TMEM74: variants seen among roughly 807,000 people sequenced by gnomAD.
TMEM74 encodes transmembrane protein 74.
In TMEM74, 13 loss-of-function variants were observed where a neutral mutation model predicts 18.1. The ratio of observed to expected loss-of-function variants is 0.72; its 90% CI spans 0.47 to 1.14. The LOEUF (loss-of-function observed/expected upper bound fraction) is 1.14, where lower values mean the gene tolerates loss of function less well. Among genes scored for constraint, TMEM74 ranks in the 50% most tolerant of loss-of-function variants. The pLI is 0.00. For missense variants in TMEM74, 372 were observed against 375.9 expected (o/e 0.99, Z 0.09); for synonymous variants, 159 against 146.6 (o/e 1.08, Z -0.61).
intron 1 of TMEM74, among the ~76,000 whole-genome samples, chr8:108,766,931 G>A (rs145220485): frequency 3.3e-5 from 5 of 152,226 alleles, no homozygotes; most frequent in East Asian, 3.9e-4. Context: ...GATGAAGGCC[G>A]GAATACTCAG....
At chr8:108,683,044 C>T (rs1586259402) in intron 1 of TMEM74, among the ~76,000 whole-genome samples, 1 of 151,400 alleles carries the variant, frequency 6.6e-6, no homozygotes, top group South Asian at 2.1e-4. Context: ...AATAACTTGC[C>T]AAAAATAATA....
Position 108,687,710 on chromosome 8 carries a change from C to T in TMEM74, n.120-32273G>A, listed in dbSNP as rs574353110. Among the ~76,000 whole-genome samples, 2 of 152,152 alleles carry T rather than the reference C, an allele frequency of 1.3e-5. 1 individual carries two copies. The highest frequency in any genetic ancestry group is 4.8e-5 in the African/African-American group (2 of 41,520). ...AAGAGTGTGCAACCTAGATCCCTCG[C>T]ATGTGCTGTTCACAATAGGGTTTCA... On this transcript the variant is annotated intron_variant and non_coding_transcript_variant, in intron 1 of 3. Transcript: ENST00000518838.
intron 1 of TMEM74, among the ~76,000 whole-genome samples, chr8:108,700,190 A>T (rs1813322106): frequency 6.8e-6 from 1 of 147,062 alleles, no homozygotes. Context: ...CACCCACGTC[A>T]AGGGACCATG....
intron 1 of TMEM74, among the ~76,000 whole-genome samples, chr8:108,665,908 AAGAC>A (rs1489038510): frequency 6.6e-6 from 1 of 152,196 alleles, no homozygotes; most frequent in Non-Finnish European, 1.5e-5. Context: ...TAATATATGA[AAGAC>A]AGGGGTAATG....
intron 2 of TMEM74, chr8:108,652,638 C>G (rs1487825069): frequency 3.2e-6 from 2 of 625,530 alleles, no homozygotes; most frequent in Non-Finnish European, 6.1e-6. Context: ...CAAAAGAAAG[C>G]AAGAAAAAGA....
chr8:108,741,415 G>A (rs1000499205), intron 1 of TMEM74, among the ~76,000 whole-genome samples: 1 of 152,138 alleles, frequency 6.6e-6, no homozygotes, highest in Non-Finnish European at 1.5e-5. Context: ...TAAACTTTAT[G>A]TACTGATATG....
chr8:108,770,643 G>A (rs1308017234), intron 1 of TMEM74, among the ~76,000 whole-genome samples: 2 of 152,144 alleles, frequency 1.3e-5, no homozygotes, highest in Non-Finnish European at 2.9e-5. Flanking sequence ...GCTTATTCAA[G>A]TCTGAGAAGA....
At chr8:108,710,698 T>C (rs2130623045) in intron 1 of TMEM74, among the ~76,000 whole-genome samples, 1 of 152,336 alleles carries the variant, frequency 6.6e-6, no homozygotes, top group African/African-American at 2.4e-5. Context: ...GTTGGCTCTC[T>C]CTTGCCGTCA....
chr8:108,784,447 C>G lies in TMEM74; in HGVS notation c.652G>C (p.Glu218Gln). The change falls in exon 2 of 2, where the codon GAG becomes CAG. Residue 218 changes from glutamate (E) to glutamine (Q), a missense_variant. Coordinates refer to ENST00000297459, the MANE Select transcript of TMEM74 (RefSeq NM_153015.3). ...GCCCCCAGCCTCGCACTCTCCTTCT[C>G]CAGGCGCTCCATCTCCCGGGCTGCC... ...TVAAREMERL[E>Q]KESARLGAHL... 1.9e-6 allele frequency: 3 copies of G among 1,614,186 alleles called. No homozygotes were observed. Among genetic ancestry groups the G allele is most frequent in the Non-Finnish European group, 2.5e-6 (3 of 1,180,036 alleles).
chr8:108,711,729 C>A (rs1165085819), intron 1 of TMEM74, among the ~76,000 whole-genome samples: 3 of 152,114 alleles, frequency 2.0e-5, no homozygotes, highest in Non-Finnish European at 4.4e-5. Flanking sequence ...CTGCCTGGCA[C>A]CAGCCCATGT....
chr8:108,620,492 T>G (rs1213841302), intron 2 of TMEM74, among the ~76,000 whole-genome samples: 4 of 152,174 alleles, frequency 2.6e-5, no homozygotes, highest in Non-Finnish European at 4.4e-5. Flanking sequence ...CATTTAAGCC[T>G]TTAACAATTT....
intron 1 of TMEM74, among the ~76,000 whole-genome samples, chr8:108,676,765 C>T (rs1813059984): frequency 6.6e-6 from 1 of 152,154 alleles, no homozygotes; most frequent in Non-Finnish European, 1.5e-5. Context: ...GAAAATCTCA[C>T]CTGCAACAAT....
chr8:108,666,675 A>G (rs527688947), intron 1 of TMEM74, among the ~76,000 whole-genome samples: 1 of 152,268 alleles, frequency 6.6e-6, no homozygotes, highest in African/African-American at 2.4e-5. Context: ...CAACAGAAAA[A>G]GGAGATTAAT....
At chr8:108,642,434 T>C (rs1243636952) in intron 2 of TMEM74, among the ~76,000 whole-genome samples, 7 of 151,894 alleles carry the variant, frequency 4.6e-5, no homozygotes, top group Non-Finnish European at 7.4e-5. Flanking sequence ...TGTTCAATTA[T>C]TTGTGTGATA....
In TMEM74 at chr8:108,619,639, C is replaced by T. The variant is rs564473771; in HGVS notation, n.265-10813G>A. On this transcript the variant is annotated intron_variant and non_coding_transcript_variant, in intron 2 of 3. Transcript: ENST00000518838. ...TCCAGCTTTCCAGTAGGAGCTTAAG[C>T]ATAGCTCCTGCTCTGAAAGAGTTGA... is the stretch of plus-strand genomic sequence containing the variant. Among the ~76,000 whole-genome samples, 5 of 152,288 alleles carry T rather than the reference C, an allele frequency of 3.3e-5. No homozygotes were observed. The East Asian group carries it at 7.7e-4, about 24-fold the overall frequency.
intron 1 of TMEM74, among the ~76,000 whole-genome samples, chr8:108,695,626 C>A (rs906173449): frequency 2.0e-5 from 3 of 152,074 alleles, no homozygotes; most frequent in Non-Finnish European, 4.4e-5. Context: ...TAGATCTAGC[C>A]CATTACAAAG....
chr8:108,726,685 C>G (rs1403767519), intron 1 of TMEM74, among the ~76,000 whole-genome samples: 1 of 151,484 alleles, frequency 6.6e-6, no homozygotes, highest in Non-Finnish European at 1.5e-5. Context: ...CATTCAACAA[C>G]TATTCATTAA....
At chr8:108,715,267 G>C (rs1346561686) in intron 1 of TMEM74, among the ~76,000 whole-genome samples, 3 of 151,794 alleles carry the variant, frequency 2.0e-5, no homozygotes, top group Non-Finnish European at 4.4e-5. Flanking sequence ...AGATGCTGGA[G>C]GCTACTAGTG....
downstream of TMEM74, among the ~76,000 whole-genome samples, chr8:108,778,624 T>G (rs1183834506): frequency 3.9e-5 from 6 of 152,168 alleles, no homozygotes; most frequent in African/African-American, 1.4e-4. Context: ...AATGTCTCTT[T>G]AGAGTTTTTG....
Sources: allele counts gnomAD v4.1 joint callset (sites outside exome capture counted in the v4.1 genomes callset), GRCh38; gene constraint gnomAD v4.1.1; transcripts MANE v1.5; gene names NCBI Gene and HGNC (gene_info 2026-07-23, HGNC 2026-07-21).